ECHDC3: variants seen among roughly 807,000 people sequenced by gnomAD.
ECHDC3 encodes the protein enoyl-CoA hydratase domain containing 3.
In ECHDC3, 20 loss-of-function variants were observed where a neutral mutation model predicts 17.9. The ratio of observed to expected loss-of-function variants is 1.12; its 90% CI spans 0.79 to 1.63. The LOEUF is 1.63. Ranked by LOEUF, ECHDC3 falls within the 40% of genes most tolerant of loss-of-function variation. The pLI is 0.00. For missense variants in ECHDC3, 407 were observed against 357.7 expected, an observed-to-expected ratio of 1.14 and a Z score of -1.11; for synonymous variants, 177 against 149.7, an observed-to-expected ratio of 1.18 and a Z score of -1.33.
chr10:11,759,078 C>T (rs1185534757), intron 4 of ECHDC3, among the ~76,000 whole-genome samples: 1 of 152,168 alleles, frequency 6.6e-6, no homozygotes, highest in Non-Finnish European at 1.5e-5. Context: ...CCAGGCTGGG[C>T]GTGGTTGTCT....
intron 2 of ECHDC3, among the ~76,000 whole-genome samples, 190 bp from the exon 3 acceptor site, chr10:11,749,305 A>G (rs1352988306): frequency 3.3e-5 from 5 of 152,212 alleles, no homozygotes. Flanking sequence ...CTCGCCTTGC[A>G]TTTTTCATCA....
chr10:11,751,054 A>T (rs1832818248), intron 3 of ECHDC3, among the ~76,000 whole-genome samples: 1 of 152,200 alleles, frequency 6.6e-6, no homozygotes, highest in Admixed American at 6.5e-5. Flanking sequence ...TACATTAATG[A>T]TGTTTATGTA....
At position 11,747,371 on chromosome 10, in the gene ECHDC3, A is replaced by G. The variant is rs747087806; in HGVS notation, c.193A>G (p.Lys65Glu). ...CAGGAACATCGTCTTGAGCAATCCC[A>G]AGAAGAGGAACGCGTTGTCACTTGC... ...GIRNIVLSNP[K>E]KRNALSLAML... Residue 65 changes from lysine to glutamate, a missense_variant, in exon 2 of 5, where the codon AAG becomes GAG. Lys to Glu is a moderately conservative substitution (Grantham distance 56, BLOSUM62 1). Coordinates refer to ENST00000379215, the MANE Select transcript of ECHDC3 (RefSeq NM_024693.5). 1.9e-6 allele frequency: 3 copies of G among 1,613,964 alleles called. No individual in the cohort carries two copies. Among genetic ancestry groups the G allele is most frequent in the Non-Finnish European group, 2.5e-6 (3 of 1,179,902 alleles).
rs1202322135 is a variant in ECHDC3, at chr10:11,763,068, C to T, written c.592-156C>T. Among the ~76,000 whole-genome samples, 7 of 152,150 alleles carry T rather than the reference C, an allele frequency of 4.6e-5. No homozygotes were observed. Among genetic ancestry groups the T allele is most frequent in the Middle Eastern group, 3.2e-3 (1 of 316 alleles). On this transcript the variant is annotated intron_variant, in intron 4 of 4. Transcript: ENST00000379215. This position sits in a 1 kb window ranked among gnomAD's most constrained non-coding sequence, Gnocchi z 4.9. Reference sequence around the variant, plus strand: ...TGGTTTCTTCGCTCTTGGAAAGATCCGCTCTCCTCCCGGGCAGGAGTTAGG... The same window carrying T: ...TGGTTTCTTCGCTCTTGGAAAGATCTGCTCTCCTCCCGGGCAGGAGTTAGG...
chr10:11,753,892 A>G (rs1832856487), intron 3 of ECHDC3, among the ~76,000 whole-genome samples: 1 of 152,112 alleles, frequency 6.6e-6, no homozygotes, highest in Non-Finnish European at 1.5e-5. Context: ...CCCCTGCCTC[A>G]GCCTCCCAAG....
At position 11,763,650 on chromosome 10, in the gene ECHDC3, G is replaced by C. The variant is rs576066391; in HGVS notation, c.*106G>C. 4 of 1,433,666 alleles carry C rather than the reference G, an allele frequency of 2.8e-6. No individual in the cohort carries two copies. Among genetic ancestry groups the C allele is most frequent in the South Asian group, 3.0e-5 (2 of 66,980 alleles). The allele number at this position is 1,433,666 out of a possible 1,614,324, so 88.8% of individuals were successfully genotyped here. A position where few individuals can be genotyped will look rare whatever the true frequency, so the allele number is the denominator to read the frequency against. On this transcript the variant is annotated 3_prime_UTR_variant, in exon 5 of 5. Transcript: ENST00000379215. The surrounding 1 kb of genome is among the most constrained non-coding windows in gnomAD (Gnocchi z 4.9). ...CTTCAACAGGTGACAGGCTGCTTTC[G>C]TGACTTGATATTGGTGTCATAGCAT...
intron 4 of ECHDC3, among the ~76,000 whole-genome samples, chr10:11,760,529 C>G (rs899082865): frequency 1.2e-4 from 19 of 152,230 alleles, no homozygotes. Flanking sequence ...TGAGAGTCAT[C>G]TAGGACTTGA....
At chr10:11,744,067 C>T (rs1209931101) in intron 1 of ECHDC3, among the ~76,000 whole-genome samples, 2 of 152,250 alleles carry the variant, frequency 1.3e-5, no homozygotes, top group Non-Finnish European at 2.9e-5. Context: ...TTTCCATGCT[C>T]CTCCTCCCAG....
At chr10:11,753,226 C>T (rs1832846356) in intron 3 of ECHDC3, among the ~76,000 whole-genome samples, 1 of 151,698 alleles carries the variant, frequency 6.6e-6, no homozygotes, top group African/African-American at 2.4e-5. Flanking sequence ...ACTAAAAATA[C>T]AAAAAAGTTA....
At position 11,763,971 on chromosome 10, in the gene ECHDC3, T is replaced by G; in HGVS notation, c.*427T>G. 2 of 990,932 alleles carry G rather than the reference T, an allele frequency of 2.0e-6. No homozygotes were observed. Among genetic ancestry groups the G allele is most frequent in the East Asian group, 1.1e-4 (1 of 8,994 alleles). 61.4% of individuals were successfully genotyped at this position (990,932 alleles called of 1,614,324 possible). On this transcript the variant is annotated 3_prime_UTR_variant, in exon 5 of 5. Transcript: ENST00000379215. The surrounding 1 kb of genome is among the most constrained non-coding windows in gnomAD (Gnocchi z 4.9). The stretch of plus-strand genomic sequence containing the variant: ...ACACATTTCAAATCTCCACGAGATA[T>G]TCTCCACACAGAAAATCTTCTTGAT...
intron 4 of ECHDC3, among the ~76,000 whole-genome samples, chr10:11,762,262 A>G (rs928686967): frequency 1.2e-4 from 18 of 152,142 alleles, no homozygotes; most frequent in Non-Finnish European, 2.5e-4. Context: ...GTGATAGGGG[A>G]TGCAGGACCA....
intron 1 of ECHDC3, 199 bp downstream of exon 1, chr10:11,742,945 C>A: frequency 2.0e-6 from 1 of 512,156 alleles, no homozygotes; most frequent in Non-Finnish European, 3.0e-6. Context: ...CCCGGGGCTC[C>A]AAAGCCCTCA....
intron 1 of ECHDC3, among the ~76,000 whole-genome samples, chr10:11,745,457 A>G (rs996302430): frequency 2.6e-5 from 4 of 152,364 alleles, no homozygotes; most frequent in Non-Finnish European, 5.9e-5. Flanking sequence ...TTTGAAGTCT[A>G]TCAGCAAATC....
chr10:11,743,760 G>C (rs1335691098), intron 1 of ECHDC3, among the ~76,000 whole-genome samples: 1 of 152,238 alleles, frequency 6.6e-6, no homozygotes, highest in African/African-American at 2.4e-5. Flanking sequence ...GCAGGGCCCA[G>C]GCCAGGGTCT....
Position 11,763,496 on chromosome 10 carries a change from G to T in ECHDC3, c.864G>T (p.Thr288=). ...LALRDGQEGI[T]AFLQKRKPVW... ...TGCGGGACGGGCAGGAGGGCATCAC[G>T]GCCTTCCTCCAGAAGAGAAAACCTG... The change falls in exon 5 of 5, where the codon ACG becomes ACT. Residue 288 remains threonine, a synonymous_variant. Coordinates refer to ENST00000379215, the MANE Select transcript of ECHDC3 (RefSeq NM_024693.5). This position sits in a 1 kb window ranked among gnomAD's most constrained non-coding sequence, Gnocchi z 4.9. 2.3e-6 allele frequency: 3 copies of T among 1,297,568 alleles called. No individual in the cohort carries two copies. The African/African-American group carries it at 4.3e-5, about 19-fold the overall frequency. 80.4% of individuals were successfully genotyped at this position (1,297,568 alleles called of 1,614,324 possible).
chr10:11,750,894 A>C (rs1291370092), intron 3 of ECHDC3, among the ~76,000 whole-genome samples: 1 of 152,168 alleles, frequency 6.6e-6, no homozygotes, highest in Non-Finnish European at 1.5e-5. Flanking sequence ...AGACATCCCC[A>C]TTTGTTTTCC....
At chr10:11,761,340 A>G (rs10752231) in intron 4 of ECHDC3, among the ~76,000 whole-genome samples, 101,425 of 152,076 alleles carry the variant, frequency 0.67, 34,315 homozygotes, top group Non-Finnish European at 0.71. Flanking sequence ...GCTGCAGAAC[A>G]TCCTGCAATG....
intron 2 of ECHDC3, 122 bp downstream of exon 2, chr10:11,747,592 C>T (rs1832776690): frequency 3.2e-6 from 4 of 1,244,596 alleles, no homozygotes; most frequent in Non-Finnish European, 4.5e-6. Flanking sequence ...TTTACAAGAA[C>T]ATTAATTATG....
intron 2 of ECHDC3, among the ~76,000 whole-genome samples, chr10:11,748,413 A>T (rs767129136): frequency 6.6e-5 from 10 of 151,962 alleles, no homozygotes; most frequent in Non-Finnish European, 1.3e-4. Context: ...TTTTGTGGAG[A>T]TGGTGTCTTG....
Sources: allele counts gnomAD v4.1 joint callset (sites outside exome capture counted in the v4.1 genomes callset), GRCh38; gene constraint gnomAD v4.1.1; non-coding constraint Gnocchi (gnomAD v3.1); transcripts MANE v1.5; gene names NCBI Gene and HGNC (gene_info 2026-07-23, HGNC 2026-07-21).